USP25: variants seen among roughly 807,000 people sequenced by gnomAD.
USP25 encodes ubiquitin specific peptidase 25, also known as ubiquitin carboxyl-terminal hydrolase 25.
Under a neutral mutation model 158.5 loss-of-function variants are expected in USP25, and 85 were observed. The ratio of observed to expected loss-of-function variants is 0.54; its 90% CI spans 0.45 to 0.64. The LOEUF is 0.64. Among genes scored for constraint, USP25 ranks in the 30% least tolerant of loss-of-function variants. The probability of loss-of-function intolerance (pLI) is 0.00; values close to 1 mark genes in which losing one functional copy is unlikely to be tolerated. For synonymous variants in USP25, 464 were observed against 460.4 expected (o/e 1.01, Z -0.10); for missense variants, 1,242 against 1,327.3 (o/e 0.94, Z 1.00).
At chr21:15,861,330 G>T (rs1302790893) in intron 20 of USP25, among the ~76,000 whole-genome samples, 2 of 152,090 alleles carry the variant, frequency 1.3e-5, no homozygotes, top group Non-Finnish European at 2.9e-5. Flanking sequence ...CTGATTAAAG[G>T]TCTAGTGAAA....
At chr21:15,870,177 G>A (rs780701031) in intron 23 of USP25, 30 bp downstream of exon 23, 4 of 1,548,602 alleles carry the variant, frequency 2.6e-6, no homozygotes, top group Non-Finnish European at 2.6e-6. Context: ...TATGAAAAGA[G>A]CATAATTTTT....
chr21:15,871,028 C>CT (rs1185175493), intron 23 of USP25, among the ~76,000 whole-genome samples: 2 of 152,174 alleles, frequency 1.3e-5, no homozygotes, highest in African/African-American at 2.4e-5. Flanking sequence ...TTAGTGGCCT[C>CT]TATTTTTAGC....
At chr21:15,767,605 A>G (rs1412330816) in intron 3 of USP25, among the ~76,000 whole-genome samples, 1 of 152,116 alleles carries the variant, frequency 6.6e-6, no homozygotes, top group Non-Finnish European at 1.5e-5. Context: ...TATAAAGGTC[A>G]GAAAAATGAG....
At chr21:15,846,053 G>A (rs894629404) in intron 18 of USP25, among the ~76,000 whole-genome samples, 2 of 139,298 alleles carry the variant, frequency 1.4e-5, no homozygotes, top group Non-Finnish European at 3.0e-5. Flanking sequence ...ATCATTTCCT[G>A]TTGAAAAGTT....
chr21:15,826,851 C>G lies in USP25; in HGVS notation c.1467-126C>G, dbSNP rs2037530303. ...AATCTCATTTGGATGTTAGATCAAT[C>G]CACATATTTCTTTAAGATTTTTTCT... On this transcript the variant is annotated intron_variant, in intron 13 of 25. Coordinates refer to ENST00000400183, the MANE Select transcript of USP25 (RefSeq NM_001283041.3). This position sits in a 1 kb window ranked among gnomAD's most constrained non-coding sequence, Gnocchi z 4.8. The G allele has an allele frequency of 1.3e-6, 1 of 799,008 alleles. No homozygotes were observed. Among genetic ancestry groups the G allele is most frequent in the Non-Finnish European group, 2.0e-6 (1 of 512,450 alleles). The allele number at this position is 799,008 out of a possible 1,614,324, so 49.5% of individuals were successfully genotyped here.
At chr21:15,860,023 C>G (rs568484884) in intron 20 of USP25, among the ~76,000 whole-genome samples, 2 of 138,400 alleles carry the variant, frequency 1.4e-5, no homozygotes, top group South Asian at 2.2e-4. Flanking sequence ...GCGTCTCGCT[C>G]TGTCGCCTAG....
At chr21:15,822,023 TAAA>T (rs1219238757) in intron 10 of USP25, among the ~76,000 whole-genome samples, 2 of 151,918 alleles carry the variant, frequency 1.3e-5, no homozygotes, top group Non-Finnish European at 2.9e-5. Context: ...CATTATCTAG[TAAA>T]ATAATAATAT....
intron 19 of USP25, among the ~76,000 whole-genome samples, chr21:15,848,969 AAAT>A (rs535977741): frequency 8.0e-4 from 122 of 151,770 alleles, no homozygotes; most frequent in African/African-American, 2.8e-3. Flanking sequence ...AAACAGCTAA[AAAT>A]AATAAGCTAT....
intron 3 of USP25, among the ~76,000 whole-genome samples, chr21:15,771,985 A>G (rs1227162232): frequency 1.3e-5 from 2 of 151,960 alleles, no homozygotes; most frequent in African/African-American, 2.4e-5. Context: ...TTTCTTCTGA[A>G]TTCAAAATAT....
At position 15,777,763 on chromosome 21, in the gene USP25, AT is replaced by A. The variant is rs1352966423; in HGVS notation, c.269-136del. On this transcript the variant is annotated intron_variant, in intron 3 of 25. Transcript: ENST00000400183. Reference sequence around the variant, plus strand: ...ACCAGTTAAAAATATGTTTGCATTTATTTTTAGATAGGCTTTTAGAAATACA... The same window carrying A: ...ACCAGTTAAAAATATGTTTGCATTTATTTTAGATAGGCTTTTAGAAATACA... The A allele has an allele frequency of 8.5e-6, 6 of 704,926 alleles. No individual in the cohort carries two copies. The Admixed American group carries it at 1.6e-4, about 18-fold the overall frequency. 43.7% of individuals were successfully genotyped at this position (704,926 alleles called of 1,614,324 possible). A position where few individuals can be genotyped will look rare whatever the true frequency, so the allele number is the denominator to read the frequency against.
Position 15,875,148 on chromosome 21 carries a change from G to A in USP25, c.3009+622G>A, listed in dbSNP as rs191059096. Among the ~76,000 whole-genome samples, 73 of 152,208 alleles carry A rather than the reference G, an allele frequency of 4.8e-4. No individual in the cohort carries two copies. The highest frequency in any genetic ancestry group is 1.6e-3 in the African/African-American group (68 of 41,528). ...GATCGCGCCACTGCATTCCATCCTG[G>A]CAACCAGGTGACAGAGCAAGACTCT... On this transcript the variant is annotated intron_variant, in intron 24 of 25. Coordinates refer to ENST00000400183, the MANE Select transcript of USP25 (RefSeq NM_001283041.3). This position sits in a 1 kb window ranked among gnomAD's most constrained non-coding sequence, Gnocchi z 4.7.
intron 3 of USP25, among the ~76,000 whole-genome samples, chr21:15,768,795 A>G (rs1188859761): frequency 6.6e-6 from 1 of 152,116 alleles, no homozygotes; most frequent in Non-Finnish European, 1.5e-5. Flanking sequence ...ATTCTTTCAA[A>G]TATGGCAGGG....
chr21:15,790,980 C>G (rs949726533), intron 4 of USP25, among the ~76,000 whole-genome samples: 1 of 151,766 alleles, frequency 6.6e-6, no homozygotes, highest in Admixed American at 6.6e-5. Flanking sequence ...TTTTCCTTTA[C>G]TTGGCTCTCA....
chr21:15,824,818 G>A (rs979069879), intron 11 of USP25, 148 bp from the exon 12 acceptor site: 18 of 598,854 alleles, frequency 3.0e-5, no homozygotes, highest in Non-Finnish European at 4.7e-5. Flanking sequence ...ATTTCACCAT[G>A]TTGGCCAGGC....
intron 9 of USP25, among the ~76,000 whole-genome samples, chr21:15,817,636 C>CTAA (rs1176116493): frequency 4.6e-5 from 7 of 152,060 alleles, no homozygotes; most frequent in Admixed American, 3.3e-4. Flanking sequence ...CTGGGGAGGC[C>CTAA]TAACATGGCA....
intron 4 of USP25, among the ~76,000 whole-genome samples, chr21:15,782,696 C>A (rs1205710544): frequency 6.6e-6 from 1 of 152,186 alleles, no homozygotes; most frequent in Non-Finnish European, 1.5e-5. Context: ...CCACCCTGAA[C>A]CAAAGCCACC....
At chr21:15,860,733 A>G (rs1007158153) in intron 20 of USP25, among the ~76,000 whole-genome samples, 1 of 152,062 alleles carries the variant, frequency 6.6e-6, no homozygotes, top group African/African-American at 2.4e-5. Flanking sequence ...GCATTTTAAA[A>G]TACACATAAA....
rs562050003 is a variant in USP25 at position 15,812,953 on chromosome 21, C to A, written c.931+1743C>A. Among the ~76,000 whole-genome samples, 6 of 152,104 alleles carry A rather than the reference C, an allele frequency of 3.9e-5. No homozygotes were observed. The East Asian group carries it at 1.2e-3, about 29-fold the overall frequency. On this transcript the variant is annotated intron_variant, in intron 9 of 25. Transcript: ENST00000400183. The stretch of plus-strand genomic sequence containing the variant: ...TTTGAGAACTTCTAGTTCATTGTCC[C>A]CTCTCAGCCCTTCTCTGTACTTCAC...
intron 5 of USP25, among the ~76,000 whole-genome samples, chr21:15,795,031 T>C (rs1344674646): frequency 6.6e-6 from 1 of 151,574 alleles, no homozygotes; most frequent in African/African-American, 2.4e-5. Flanking sequence ...AAAGAAAAAA[T>C]CATGTGGCAC....
Sources: gnomAD v4.1 joint callset for allele counts (sites outside exome capture counted in the v4.1 genomes callset) on GRCh38, gnomAD v4.1.1 for gene constraint, Gnocchi (gnomAD v3.1) non-coding constraint, MANE v1.5 for transcripts, NCBI Gene and HGNC (gene_info 2026-07-23, HGNC 2026-07-21) for gene names.